Variants in LY75 observed in about 807,000 individuals in gnomAD.
LY75 encodes the protein C-type lectin domain family 13 member B.
In LY75, 185 loss-of-function variants were observed where a neutral mutation model predicts 231.7. The ratio of observed to expected loss-of-function variants is 0.80; its 90% CI spans 0.71 to 0.90. LY75 has a LOEUF of 0.90. LY75 is among the 40% of genes least tolerant of loss of function. LY75 has a pLI of 0.00. For synonymous variants in LY75, 668 were observed against 689.0 expected, an observed-to-expected ratio of 0.97 and a Z score of 0.48; for missense variants, 1,947 against 2,050.2, an observed-to-expected ratio of 0.95 and a Z score of 0.97.
chr2:159,832,860 T>C (rs1170149601), intron 27 of LY75, among the ~76,000 whole-genome samples: 2 of 152,238 alleles, frequency 1.3e-5, no homozygotes, highest in African/African-American at 4.8e-5. Flanking sequence ...TGATATTTTC[T>C]ATAGCAACTT....
chr2:159,817,818 C>T (rs540049510), intron 29 of LY75, among the ~76,000 whole-genome samples: 8 of 152,076 alleles, frequency 5.3e-5, no homozygotes, highest in East Asian at 3.9e-4. Flanking sequence ...GAGGCCAAGG[C>T]GGGGGGATCA....
chr2:159,853,597 C>T (rs755356572), intron 19 of LY75, 33 bp downstream of exon 19: 2 of 1,612,664 alleles, frequency 1.2e-6, no homozygotes, highest in Non-Finnish European at 1.7e-6. Flanking sequence ...TAAGTGATAA[C>T]TTTACAAAGG....
Position 159,842,255 on chromosome 2 carries a change from C to T in LY75, c.3270G>A (p.Gln1090=). The change falls in exon 24 of 35, where the codon CAG becomes CAA. Residue 1090 remains glutamine (Q), a synonymous_variant. Transcript: ENST00000263636. ...GATAATAATTGTTACCTGAATATTTCTGACAGAGAGACACAAAGTGGCGTT... is the reference window on the plus strand; with the variant it reads ...GATAATAATTGTTACCTGAATATTTTTGACAGAGAGACACAAAGTGGCGTT... The part of the protein sequence containing the change: ...CSERHFVSLC[Q]KYSEVKSRQT... The T allele has an allele frequency of 6.2e-7, 1 of 1,610,692 alleles. No homozygotes were observed. The highest frequency in any genetic ancestry group is 8.5e-7 in the Non-Finnish European group (1 of 1,178,162).
intron 31 of LY75, among the ~76,000 whole-genome samples, chr2:159,811,818 CA>C (rs1290342538): frequency 6.6e-6 from 1 of 152,144 alleles, no homozygotes; most frequent in East Asian, 1.9e-4. Context: ...ACTAACACAC[CA>C]ATTTGAGTAC....
chr2:159,808,535 T>C lies in LY75; in HGVS notation c.4736A>G (p.Asp1579Gly). 6.2e-7 allele frequency: 1 copy of C among 1,613,820 alleles called. No homozygotes were observed. The highest frequency in any genetic ancestry group is 2.2e-5 in the East Asian group (1 of 44,820). Residue 1579 changes from aspartate (D) to glycine (G), a missense_variant, in exon 33 of 35, where the codon GAT becomes GGT. Physicochemically the swap from Asp to Gly is moderately conservative, Grantham distance 94. Transcript: ENST00000263636. ...CAGTCTGCTCACAAATTTATTCTCATCTTCATCTTTTATGGAAACGATAGT... is the reference window on the plus strand; with the variant it reads ...CAGTCTGCTCACAAATTTATTCTCACCTTCATCTTTTATGGAAACGATAGT... ...SATIVSIKDE[D>G]ENKFVSRLMR...
At chr2:159,848,113 C>CACACACACACACACACACACACA (rs1188769706) in intron 23 of LY75, among the ~76,000 whole-genome samples, 15 of 140,980 alleles carry the variant, frequency 1.1e-4, no homozygotes, top group East Asian at 2.2e-4. Context: ...CATACACACA[C>CACACACACACACACACACACACA]CATATATACG....
intron 27 of LY75, 26 bp downstream of exon 27, chr2:159,834,018 T>A (rs1395280424): frequency 2.5e-6 from 4 of 1,606,810 alleles, no homozygotes; most frequent in African/African-American, 2.7e-5. Context: ...TATAGCAACA[T>A]GAGAATGGAC....
chr2:159,808,510 C>A lies in LY75; in HGVS notation c.4761G>T (p.Leu1587=). 1 of 1,613,928 alleles carries A rather than the reference C, an allele frequency of 6.2e-7. No homozygotes were observed. ...DEDENKFVSR[L]MRENNNITMR... Reference sequence around the variant, plus strand: ...TGGTAATGTTATTATTTTCCCTCATCAGTCTGCTCACAAATTTATTCTCAT... The same window carrying A: ...TGGTAATGTTATTATTTTCCCTCATAAGTCTGCTCACAAATTTATTCTCAT... Residue 1587 remains leucine, a synonymous_variant, in exon 33 of 35, where the codon CTG becomes CTT. Coordinates refer to ENST00000263636, the MANE Select transcript of LY75 (RefSeq NM_002349.4).
At chr2:159,856,794 T>TA (rs199608407) in intron 16 of LY75, among the ~76,000 whole-genome samples, 7 of 151,532 alleles carry the variant, frequency 4.6e-5, no homozygotes, top group Non-Finnish European at 7.4e-5. Context: ...AAATATATAT[T>TA]AAAAAAAATA....
chr2:159,868,884 C>T (rs1684928636), intron 13 of LY75, among the ~76,000 whole-genome samples: 1 of 152,072 alleles, frequency 6.6e-6, no homozygotes, highest in African/African-American at 2.4e-5. Context: ...AGTTGCCCTG[C>T]TTGAAACTTA....
intron 6 of LY75, 40 bp from the exon 7 acceptor site, chr2:159,882,355 A>G (rs1026886469): frequency 6.3e-7 from 1 of 1,585,430 alleles, no homozygotes; most frequent in Non-Finnish European, 8.6e-7. Flanking sequence ...GTAAAGATAC[A>G]TCTATTGTGA....
Position 159,854,391 on chromosome 2 carries a change from C to A in LY75, c.2564G>T (p.Gly855Val), listed in dbSNP as rs2125856506. ...TATTTTGTTTTTGATGGCTTTTAGTCCCACAAAAGATGTTATAGTTGCAAG... is the reference window on the plus strand; with the variant it reads ...TATTTTGTTTTTGATGGCTTTTAGTACCACAAAAGATGTTATAGTTGCAAG... ...SFLATITSFV[G>V]LKAIKNKIAN... The change falls in exon 18 of 35, where the codon GGA (glycine) becomes GTA (valine). Residue 855 changes from glycine (G) to valine (V), a missense_variant. Coordinates refer to ENST00000263636, the MANE Select transcript of LY75 (RefSeq NM_002349.4). 2 of 1,496,410 alleles carry A rather than the reference C, an allele frequency of 1.3e-6. No homozygotes were observed. The highest frequency in any genetic ancestry group is 2.4e-5 in the East Asian group (1 of 41,728). 92.7% of individuals were successfully genotyped at this position (1,496,410 alleles called of 1,614,324 possible).
chr2:159,869,006 G>A (rs971135174), intron 13 of LY75, among the ~76,000 whole-genome samples: 4 of 152,114 alleles, frequency 2.6e-5, no homozygotes, highest in Non-Finnish European at 1.5e-5. Flanking sequence ...GTAGGGACAC[G>A]GATGAAGCTG....
At chr2:159,888,926 T>C (rs1462986858) in intron 4 of LY75, among the ~76,000 whole-genome samples, 1 of 152,164 alleles carries the variant, frequency 6.6e-6, no homozygotes, top group Non-Finnish European at 1.5e-5. Flanking sequence ...ATAAGGTAGT[T>C]AGATGGGATG....
At chr2:159,866,615 C>A (rs1647356923) in intron 13 of LY75, among the ~76,000 whole-genome samples, 1 of 152,094 alleles carries the variant, frequency 6.6e-6, no homozygotes, top group Non-Finnish European at 1.5e-5. Flanking sequence ...ATCATACTGC[C>A]CGAGTGCTGG....
chr2:159,882,635 G>C (rs567154620), intron 6 of LY75, among the ~76,000 whole-genome samples: 2 of 152,272 alleles, frequency 1.3e-5, no homozygotes, highest in South Asian at 4.1e-4. Flanking sequence ...AGAAAGATGT[G>C]CCTTAAGTCA....
chr2:159,824,919 GAC>G (rs1294224229), intron 28 of LY75, among the ~76,000 whole-genome samples: 2 of 152,178 alleles, frequency 1.3e-5, no homozygotes. Flanking sequence ...TGAGAACAAA[GAC>G]ACAACATATC....
chr2:159,829,301 C>T (rs541664193), intron 28 of LY75, among the ~76,000 whole-genome samples: 1 of 152,262 alleles, frequency 6.6e-6, no homozygotes, highest in East Asian at 1.9e-4. Flanking sequence ...AGTTCCTCTT[C>T]CCTTCTCCTA....
At position 159,848,534 on chromosome 2, in the gene LY75, C is replaced by T. The variant is rs138652548; in HGVS notation, c.3150+1446G>A. On this transcript the variant is annotated intron_variant, in intron 23 of 34. Coordinates refer to ENST00000263636, the MANE Select transcript of LY75 (RefSeq NM_002349.4). ...ACTTTACTCGTGTAACCAAACACCA[C>T]CTGTTCCCCAGCAACCATTAAAAAG... Among the ~76,000 whole-genome samples the T allele has an allele frequency of 1.8e-3, 280 of 152,228 alleles. 2 individuals are homozygous for T. The highest frequency in any genetic ancestry group is 6.5e-3 in the African/African-American group (270 of 41,534).
Sources: allele counts gnomAD v4.1 joint callset (sites outside exome capture counted in the v4.1 genomes callset), GRCh38; gene constraint gnomAD v4.1.1; transcripts MANE v1.5; gene names NCBI Gene and HGNC (gene_info 2026-07-23, HGNC 2026-07-21).